RBFOX1: variants seen among roughly 807,000 people sequenced by gnomAD.
RBFOX1 encodes the protein RNA binding protein fox-1 homolog 1.
RBFOX1 carries 8 observed loss-of-function variants against 57.7 expected under a neutral mutation model. That is an observed-to-expected ratio of 0.14 (90% confidence interval 0.08 to 0.25). The LOEUF is 0.25. Ranked by LOEUF, RBFOX1 falls within the 10% of genes least tolerant of loss-of-function variation. The pLI is 1.00. For missense variants in RBFOX1, 611 were observed against 548.5 expected (o/e 1.11, Z -1.14); for synonymous variants, 326 against 222.4 (o/e 1.47, Z -4.15).
chr16:5,989,492 G>A (rs1363860080), intron 4 of RBFOX1, among the ~76,000 whole-genome samples: 1 of 152,160 alleles, frequency 6.6e-6, no homozygotes, highest in Admixed American at 6.5e-5. Context: ...TTAATGTTGT[G>A]TTCAAAGTTA....
intron 2 of RBFOX1, among the ~76,000 whole-genome samples, chr16:6,323,642 C>G (rs540590015): frequency 5.3e-4 from 80 of 152,176 alleles, no homozygotes; most frequent in Non-Finnish European, 1.0e-3. Flanking sequence ...GGGAGCAATG[C>G]TTGTGAATTG....
chr16:7,175,189 C>G (rs1401874624), intron 4 of RBFOX1, among the ~76,000 whole-genome samples: 1 of 152,030 alleles, frequency 6.6e-6, no homozygotes, highest in Non-Finnish European at 1.5e-5. Flanking sequence ...TCCTAATACT[C>G]TTCCTCCTAT....
intron 3 of RBFOX1, among the ~76,000 whole-genome samples, chr16:6,666,281 C>T (rs1174666439): frequency 1.3e-5 from 2 of 152,142 alleles, no homozygotes; most frequent in Non-Finnish European, 2.9e-5. Context: ...TGCCTATAAT[C>T]CCAGCACTTT....
intron 2 of RBFOX1, among the ~76,000 whole-genome samples, chr16:6,621,851 C>T (rs1012868120): frequency 4.6e-5 from 7 of 152,060 alleles, no homozygotes; most frequent in African/African-American, 1.7e-4. Context: ...TATTGAGAGA[C>T]GCTTGACGAA....
At chr16:6,914,480 C>T (rs957075392) in intron 3 of RBFOX1, among the ~76,000 whole-genome samples, 8 of 152,136 alleles carry the variant, frequency 5.3e-5, no homozygotes, top group African/African-American at 1.9e-4. Flanking sequence ...CTAGGTGTCT[C>T]ACCTCCACCT....
chr16:5,593,844 G>A (rs562030220), intron 2 of RBFOX1, among the ~76,000 whole-genome samples: 4 of 151,940 alleles, frequency 2.6e-5, no homozygotes, highest in Admixed American at 6.6e-5. Context: ...TCTTTCTTGC[G>A]CGAGATCCAA....
intron 4 of RBFOX1, among the ~76,000 whole-genome samples, chr16:7,371,612 T>G (rs978109099): frequency 3.3e-5 from 5 of 152,058 alleles, no homozygotes; most frequent in African/African-American, 1.2e-4. Context: ...TAGCTGGGTG[T>G]GGTGGCAGGC....
At chr16:7,499,135 G>A (rs530217080) in intron 4 of RBFOX1, among the ~76,000 whole-genome samples, 1 of 152,300 alleles carries the variant, frequency 6.6e-6, no homozygotes, top group South Asian at 2.1e-4. Flanking sequence ...CAGTTCTGGA[G>A]GCCTGAAGTC....
chr16:7,691,727 T>C (rs1038852321), intron 14 of RBFOX1, among the ~76,000 whole-genome samples: 1 of 150,528 alleles, frequency 6.6e-6, no homozygotes, highest in African/African-American at 2.5e-5. Context: ...CATTGGACAG[T>C]TCCTTAGGGA....
In RBFOX1 at chr16:6,374,982, A is replaced by G. The variant is rs1426481247; in HGVS notation, c.-64+57925A>G. On this transcript the variant is annotated intron_variant, in intron 2 of 15. Coordinates refer to ENST00000550418, the MANE Select transcript of RBFOX1 (RefSeq NM_018723.4). ...CTGAGGAAGTGTGAAAACAGTCTGC[A>G]GAACAAAGACACTGAGCTATTGCTG... is the stretch of plus-strand genomic sequence containing the variant. Among the ~76,000 whole-genome samples, 8 of 152,108 alleles carry G rather than the reference A, an allele frequency of 5.3e-5. No homozygotes were observed. In the South Asian group the frequency reaches 6.2e-4, roughly 12 times the overall value.
chr16:7,455,505 C>G (rs2058317751), intron 4 of RBFOX1, among the ~76,000 whole-genome samples: 1 of 152,038 alleles, frequency 6.6e-6, no homozygotes, highest in Non-Finnish European at 1.5e-5. Flanking sequence ...ATCTTATTCA[C>G]ACTTGGCCGG....
chr16:6,574,387 G>C (rs995471752), intron 2 of RBFOX1, among the ~76,000 whole-genome samples: 1 of 151,008 alleles, frequency 6.6e-6, no homozygotes, highest in Non-Finnish European at 1.5e-5. Flanking sequence ...GGAGGGGGCG[G>C]AACTCGGTGT....
chr16:7,166,244 C>G (rs564228211), intron 4 of RBFOX1, among the ~76,000 whole-genome samples: 1 of 148,944 alleles, frequency 6.7e-6, no homozygotes, highest in Admixed American at 7.1e-5. Flanking sequence ...GAATTCCTAT[C>G]CTCAAGTGAT....
At chr16:5,523,177 T>C (rs2044089442) in intron 2 of RBFOX1, among the ~76,000 whole-genome samples, 1 of 152,074 alleles carries the variant, frequency 6.6e-6, no homozygotes, top group Non-Finnish European at 1.5e-5. Flanking sequence ...TTCCAGCTAC[T>C]CGGGAGGCTG....
At chr16:7,501,669 A>C (rs2070920050) in intron 4 of RBFOX1, among the ~76,000 whole-genome samples, 2 of 152,206 alleles carry the variant, frequency 1.3e-5, no homozygotes, top group Admixed American at 1.3e-4. Flanking sequence ...ATTTAGCATT[A>C]CAATTGGCCT....
chr16:7,557,342 G>A (rs747830494), intron 5 of RBFOX1, among the ~76,000 whole-genome samples: 8 of 151,998 alleles, frequency 5.3e-5, no homozygotes, highest in Admixed American at 2.0e-4. Context: ...AAAAACAGCC[G>A]GGTGTGGTGG....
At chr16:7,229,616 A>G (rs1260360756) in intron 4 of RBFOX1, among the ~76,000 whole-genome samples, 2 of 115,184 alleles carry the variant, frequency 1.7e-5, no homozygotes, top group Non-Finnish European at 3.6e-5. Context: ...GAAGGAGAAG[A>G]AAGATGGAGG....
Position 5,814,466 on chromosome 16 carries a change from G to A in RBFOX1, c.319-52837G>A, listed in dbSNP as rs117033665. Among the ~76,000 whole-genome samples, 577 of 152,284 alleles carry A rather than the reference G, an allele frequency of 3.8e-3. 27 individuals are homozygous for A. In the East Asian group the frequency reaches 0.095, roughly 25 times the overall value. On this transcript the variant is annotated intron_variant, in intron 3 of 19. Coordinates refer to the RBFOX1 transcript ENST00000641259. ...ACAATAAATATAGGCTCTGTGCTGA[G>A]CACTTCTTGGTTAGTTGAATCTTCC... is the stretch of plus-strand genomic sequence containing the variant.
intron 3 of RBFOX1, among the ~76,000 whole-genome samples, chr16:6,655,795 T>C (rs1314111473): frequency 1.3e-5 from 2 of 152,196 alleles, no homozygotes; most frequent in Non-Finnish European, 2.9e-5. Flanking sequence ...TGTACCATTA[T>C]TGTCAAATGG....
Sources: allele counts gnomAD v4.1 joint callset (sites outside exome capture counted in the v4.1 genomes callset), GRCh38; gene constraint gnomAD v4.1.1; transcripts MANE v1.5; gene names NCBI Gene and HGNC (gene_info 2026-07-23, HGNC 2026-07-21).